The following SLCO1B1 variants were observed in gnomAD, a reference collection of about 807,000 sequenced individuals.
The protein encoded by SLCO1B1 is OATP-2.
A neutral mutation model predicts 70.1 loss-of-function variants in SLCO1B1; 81 were observed. The ratio of observed to expected loss-of-function variants is 1.16; its 90% confidence interval spans 0.97 to 1.39. SLCO1B1 has a LOEUF of 1.39. SLCO1B1 is among the 40% of genes most tolerant of loss of function. The pLI is 0.00. For missense variants in SLCO1B1, 895 were observed against 799.6 expected (o/e 1.12, Z -1.44); for synonymous variants, 283 against 271.5 (o/e 1.04, Z -0.42).
At chr12:21,217,606 T>C (rs1000217906) in intron 12 of SLCO1B1, among the ~76,000 whole-genome samples, 1 of 152,174 alleles carries the variant, frequency 6.6e-6, no homozygotes, top group Non-Finnish European at 1.5e-5. Flanking sequence ...AAAGAACTTG[T>C]TGAATTTTGA....
At chr12:21,234,043 C>A (rs1941571141) in intron 14 of SLCO1B1, among the ~76,000 whole-genome samples, 1 of 152,210 alleles carries the variant, frequency 6.6e-6, no homozygotes, top group South Asian at 2.1e-4. Context: ...CATGCAGAGC[C>A]AGCTGTGCAG....
intron 2 of SLCO1B1, among the ~76,000 whole-genome samples, chr12:21,156,232 A>G (rs1940540920): frequency 6.6e-6 from 1 of 152,140 alleles, no homozygotes. Context: ...TAGGTAAATG[A>G]TTAAAAAATT....
At chr12:21,168,710 C>T (rs143146903) in intron 2 of SLCO1B1, among the ~76,000 whole-genome samples, 1 of 152,178 alleles carries the variant, frequency 6.6e-6, no homozygotes, top group East Asian at 1.9e-4. Context: ...TATGTAAGTC[C>T]TTGACCCATT....
intron 7 of SLCO1B1, among the ~76,000 whole-genome samples, chr12:21,182,512 C>T (rs545917454): frequency 1.3e-5 from 2 of 152,282 alleles, no homozygotes; most frequent in East Asian, 3.9e-4. Flanking sequence ...AGCTGGGACA[C>T]ATCTGTATTG....
rs1489618986 is a variant in SLCO1B1 at position 21,196,971 on chromosome 12, T to A, written c.753T>A (p.Asp251Glu). Residue 251 changes from aspartate to glutamate, a missense_variant, in exon 8 of 15, where the codon GAT (aspartate) becomes GAA (glutamate). Physicochemically the swap from Asp to Glu is conservative, Grantham distance 45 (BLOSUM62 2). Coordinates refer to ENST00000256958, the MANE Select transcript of SLCO1B1 (RefSeq NM_006446.5). ...GCACTATCAGGATAACTCCTACTGA[T>A]TCTCGATGGGTTGGAGCTTGGTGGC... ...DLSTIRITPTDSRWVGAWWLN... is the reference protein window; with the variant it reads ...DLSTIRITPTESRWVGAWWLN... The A allele has an allele frequency of 6.2e-7, 1 of 1,613,522 alleles. No homozygotes were observed. The highest frequency in any genetic ancestry group is 8.5e-7 in the Non-Finnish European group (1 of 1,179,640).
chr12:21,173,907 G>A (rs184226991), intron 3 of SLCO1B1, among the ~76,000 whole-genome samples: 22 of 150,884 alleles, frequency 1.5e-4, no homozygotes, highest in Middle Eastern at 3.5e-3. Flanking sequence ...ACAGGCACCC[G>A]CCACTATGCC....
intron 2 of SLCO1B1, among the ~76,000 whole-genome samples, chr12:21,157,144 A>G (rs770035544): frequency 1.3e-5 from 2 of 152,138 alleles, no homozygotes; most frequent in Non-Finnish European, 2.9e-5. Context: ...TTTCATCTTT[A>G]TAAGGTTAGC....
intron 7 of SLCO1B1, among the ~76,000 whole-genome samples, chr12:21,185,285 C>A (rs1940951183): frequency 6.6e-6 from 1 of 152,080 alleles, no homozygotes; most frequent in South Asian, 2.1e-4. Flanking sequence ...CAGAATACTC[C>A]ACCCAGCACT....
intron 1 of SLCO1B1, among the ~76,000 whole-genome samples, chr12:21,132,909 T>C (rs930513814): frequency 1.3e-5 from 2 of 152,154 alleles, no homozygotes; most frequent in African/African-American, 2.4e-5. Flanking sequence ...TCCTTGCCCA[T>C]GCCTATGTCC....
chr12:21,174,042 C>T (rs1940789227), intron 3 of SLCO1B1, among the ~76,000 whole-genome samples: 1 of 152,086 alleles, frequency 6.6e-6, no homozygotes, highest in African/African-American at 2.4e-5. Flanking sequence ...CAGGTGTGAG[C>T]CACCATGCCT....
intron 11 of SLCO1B1, among the ~76,000 whole-genome samples, chr12:21,214,654 C>T (rs533182938): frequency 1.7e-4 from 25 of 151,478 alleles, no homozygotes; most frequent in Non-Finnish European, 3.7e-4. Context: ...GGGCGCCCCT[C>T]CCCCAGCCTC....
At chr12:21,192,355 TTTC>T (rs1448827354) in intron 7 of SLCO1B1, among the ~76,000 whole-genome samples, 4 of 151,958 alleles carry the variant, frequency 2.6e-5, no homozygotes, top group African/African-American at 9.6e-5. Flanking sequence ...TTATTTTTTC[TTTC>T]TTATCTAATT....
Position 21,199,894 on chromosome 12 carries a change from C to G in SLCO1B1, c.971-614C>G, listed in dbSNP as rs532787240. ...TCAGCTCACTGCAACCTTCGCCTCC[C>G]TAATTCAAGCAATTCTCCTGCCTCA... On this transcript the variant is annotated intron_variant, in intron 8 of 14. Transcript: ENST00000256958. 2.0e-5 allele frequency among the ~76,000 whole-genome samples: 3 copies of G among 151,642 alleles called. No individual in the cohort carries two copies. In the South Asian group the frequency reaches 6.2e-4, roughly 31 times the overall value.
At chr12:21,152,554 C>CTTTTTTTTT (rs1940488342) in intron 2 of SLCO1B1, among the ~76,000 whole-genome samples, 1 of 8,478 alleles carries the variant, frequency 1.2e-4, no homozygotes, top group African/African-American at 2.2e-4. Context: ...TTTTTTTTGC[C>CTTTTTTTTT]TCTGGACTGT....
chr12:21,134,149 A>G (rs1298301150), intron 1 of SLCO1B1, among the ~76,000 whole-genome samples: 3 of 152,294 alleles, frequency 2.0e-5, no homozygotes, highest in South Asian at 2.1e-4. Flanking sequence ...TGATTTGCGT[A>G]TGTTGAACCA....
Position 21,217,268 on chromosome 12 carries a change from A to G in SLCO1B1, c.1647A>G (p.Ala549=). The change falls in exon 12 of 15, where the codon GCA becomes GCG. Residue 549 remains alanine, a synonymous_variant. Coordinates refer to ENST00000256958, the MANE Select transcript of SLCO1B1 (RefSeq NM_006446.5). ...AAGTCTTGAATTTATTTTTCTCTGCACTTGGAGGCACCTCACATGTCATGC... is the reference window on the plus strand; with the variant it reads ...AAGTCTTGAATTTATTTTTCTCTGCGCTTGGAGGCACCTCACATGTCATGC... ...AIQVLNLFFS[A]LGGTSHVMLI... The G allele has an allele frequency of 1.9e-6, 3 of 1,613,776 alleles. No individual in the cohort carries two copies. Among genetic ancestry groups the G allele is most frequent in the Non-Finnish European group, 2.5e-6 (3 of 1,179,770 alleles).
intron 5 of SLCO1B1, 150 bp from the exon 6 acceptor site, chr12:21,178,426 A>G (rs541915392): frequency 7.9e-6 from 5 of 628,970 alleles, no homozygotes; most frequent in Non-Finnish European, 1.4e-5. Flanking sequence ...AATACACCAT[A>G]TTGTCAAAGT....
At chr12:21,141,087 A>G (rs760996467) in intron 1 of SLCO1B1, among the ~76,000 whole-genome samples, 3 of 151,920 alleles carry the variant, frequency 2.0e-5, no homozygotes, top group Non-Finnish European at 2.9e-5. Flanking sequence ...TTATTTTTGT[A>G]TCTGTTTTGA....
chr12:21,210,303 T>A (rs1227697144), intron 11 of SLCO1B1, among the ~76,000 whole-genome samples: 1 of 127,052 alleles, frequency 7.9e-6, no homozygotes, highest in Non-Finnish European at 1.7e-5. Flanking sequence ...CCAGCACCAT[T>A]TATTAAATAG....
Sources: allele counts gnomAD v4.1 joint callset (sites outside exome capture counted in the v4.1 genomes callset), GRCh38; gene constraint gnomAD v4.1.1; transcripts MANE v1.5; gene names NCBI Gene and HGNC (gene_info 2026-07-23, HGNC 2026-07-21).